The following NUMBL variants were observed in gnomAD, a reference collection of about 807,000 sequenced individuals.
NUMBL encodes the protein numb-like protein.
Under a neutral mutation model 48.9 loss-of-function variants are expected in NUMBL, and 20 were observed. The ratio of observed to expected loss-of-function variants is 0.41; its 90% CI spans 0.29 to 0.59. The LOEUF (loss-of-function observed/expected upper bound fraction) is 0.59, where lower values mean the gene tolerates loss of function less well. NUMBL is among the 20% of genes least tolerant of loss of function. The pLI is 0.31. For missense variants in NUMBL, 660 were observed against 846.2 expected, an observed-to-expected ratio of 0.78 and a Z score of 2.73; for synonymous variants, 340 against 348.7, an observed-to-expected ratio of 0.98 and a Z score of 0.28.
chr19:40,668,202 G>A (rs2081827032), intron 9 of NUMBL, 64 bp from the exon 10 acceptor site: 2 of 1,507,076 alleles, frequency 1.3e-6, no homozygotes, highest in Non-Finnish European at 1.8e-6. Context: ...ACCCCAGGCT[G>A]GGAACTGGCA....
rs111308632 is a variant in NUMBL, at chr19:40,669,856, G to A, written c.1159+42C>T. ...CCTGGATAGAGGAGGGGATACAGGA[G>A]GGACATGCAGGGTGTCTGCCCAGCA... On this transcript the variant is annotated intron_variant, in intron 9 of 9. Transcript: ENST00000252891. The A allele has an allele frequency of 3.8e-4, 602 of 1,600,900 alleles. 4 individuals carry two copies. The African/African-American group carries it at 7.1e-3, about 19-fold the overall frequency.
intron 3 of NUMBL, 45 bp downstream of exon 3, chr19:40,684,372 G>GC (rs1242783335): frequency 6.6e-7 from 1 of 1,526,634 alleles, no homozygotes; most frequent in South Asian, 1.2e-5. Context: ...CAGCACAGCG[G>GC]CCCCCGTCCC....
At chr19:40,690,423 G>A (rs1386538684) in intron 1 of NUMBL, 37 bp downstream of exon 1, 4 of 1,180,672 alleles carry the variant, frequency 3.4e-6, no homozygotes, top group Admixed American at 4.1e-5. Flanking sequence ...CAGCGGCGCC[G>A]CCCCCGACCC....
chr19:40,667,775 A>C lies in NUMBL; in HGVS notation c.1523T>G (p.Val508Gly), dbSNP rs1599899295. 1 of 1,580,164 alleles carries C rather than the reference A, an allele frequency of 6.3e-7. No homozygotes were observed. Among genetic ancestry groups the C allele is most frequent in the Non-Finnish European group, 8.6e-7 (1 of 1,163,506 alleles). Residue 508 changes from valine to glycine, a missense_variant, in exon 10 of 10, where the codon GTG becomes GGG. Physicochemically the swap from Val to Gly is moderately radical, Grantham distance 109. Around this residue, in one of 3 missense-constraint regions of NUMBL, gnomAD observed 296 missense variants for 339.7 expected, o/e 0.87. Coordinates refer to ENST00000252891, the MANE Select transcript of NUMBL (RefSeq NM_004756.5). The surrounding 1 kb of genome is among the most constrained non-coding windows in gnomAD (Gnocchi z 6.1). Reference protein sequence around the residue: ...GYPPMPRVPVVGITPSQMVAN... With the variant: ...GYPPMPRVPVGGITPSQMVAN... The stretch of plus-strand genomic sequence containing the variant: ...CACCATCTGTGAGGGTGTGATGCCC[A>C]CCACGGGCACCCGGGGCATCGGTGG...
chr19:40,684,799 T>A, intron 2 of NUMBL: 1 of 488,192 alleles, frequency 2.0e-6, no homozygotes, highest in Non-Finnish European at 3.6e-6. Flanking sequence ...ACCATGGGGC[T>A]AAGGGGCTGG....
rs564812932 is a variant in NUMBL, at chr19:40,673,733, C to T, written c.731-84G>A. 14 of 1,327,034 alleles carry T rather than the reference C, an allele frequency of 1.1e-5. No individual in the cohort carries two copies. In the Admixed American group the frequency reaches 2.3e-4, roughly 22 times the overall value. 82.2% of individuals were successfully genotyped at this position (1,327,034 alleles called of 1,614,324 possible). On this transcript the variant is annotated intron_variant, in intron 7 of 9. Coordinates refer to ENST00000252891, the MANE Select transcript of NUMBL (RefSeq NM_004756.5). The surrounding 1 kb of genome is among the most constrained non-coding windows in gnomAD (Gnocchi z 5.9). ...CCACCTGGTTCTCTTGATCATTCTC[C>T]AAGGCTGCCTTCCTTGCCCAGTGAG...
intron 8 of NUMBL, among the ~76,000 whole-genome samples, chr19:40,672,863 TA>T (rs1282164780): frequency 1.3e-5 from 2 of 152,294 alleles, no homozygotes; most frequent in Non-Finnish European, 2.9e-5. Flanking sequence ...ATCCTTCACC[TA>T]GCCAGATCTC....
At chr19:40,672,337 T>C (rs1266652421) in intron 8 of NUMBL, among the ~76,000 whole-genome samples, 1 of 152,236 alleles carries the variant, frequency 6.6e-6, no homozygotes, top group African/African-American at 2.4e-5. Flanking sequence ...GGCCAAGTGC[T>C]AGAAGAAACA....
At chr19:40,672,866 C>A (rs926588767) in intron 8 of NUMBL, among the ~76,000 whole-genome samples, 1 of 152,150 alleles carries the variant, frequency 6.6e-6, no homozygotes, top group African/African-American at 2.4e-5. Flanking sequence ...CTTCACCTAG[C>A]CAGATCTCAT....
chr19:40,687,631 G>A lies in NUMBL; in HGVS notation c.25-636C>T, dbSNP rs961882401. Among the ~76,000 whole-genome samples the A allele has an allele frequency of 1.3e-5, 2 of 152,116 alleles. No homozygotes were observed. The highest frequency in any genetic ancestry group is 2.1e-4 in the South Asian group (1 of 4,820). On this transcript the variant is annotated intron_variant, in intron 1 of 9. Transcript: ENST00000252891. The surrounding 1 kb of genome is among the most constrained non-coding windows in gnomAD (Gnocchi z 4.6). The stretch of plus-strand genomic sequence containing the variant: ...GGGGCCCAGACAACCCACTAGAGCC[G>A]CACATGCGTGGCCACACCCAGTGAC...
At position 40,668,154 on chromosome 19, in the gene NUMBL, G is replaced by A. The variant is rs2081826560; in HGVS notation, c.1160-16C>T. Reference sequence around the variant, plus strand: ...GCAGAAGTCCCTGGAGAGAGGAGAGGGACAGGTGAGGGAGGGGGCAACGGC... The same window carrying A: ...GCAGAAGTCCCTGGAGAGAGGAGAGAGACAGGTGAGGGAGGGGGCAACGGC... On this transcript the variant is annotated splice_polypyrimidine_tract_variant and intron_variant, in intron 9 of 9. Transcript: ENST00000252891. 1 of 1,574,000 alleles carries A rather than the reference G, an allele frequency of 6.4e-7. No individual in the cohort carries two copies. The highest frequency in any genetic ancestry group is 8.6e-7 in the Non-Finnish European group (1 of 1,158,148).
At chr19:40,675,477 A>G (rs1290403505) in intron 7 of NUMBL, among the ~76,000 whole-genome samples, 1 of 151,450 alleles carries the variant, frequency 6.6e-6, no homozygotes, top group African/African-American at 2.4e-5. Context: ...GTGTTTTCCC[A>G]AAGAACTTAA....
chr19:40,684,767 A>T, intron 2 of NUMBL: 22 of 482,122 alleles, frequency 4.6e-5, no homozygotes, highest in Middle Eastern at 6.6e-4. Context: ...GGAGTGCGAA[A>T]GTTGGGCACT....
Position 40,682,942 on chromosome 19 carries a change from C to G in NUMBL, c.276G>C (p.Glu92Asp), listed in dbSNP as rs146512935. ...CTTCACACACGTGCATTCCCCGGGA[C>G]TCCTCTACCTCCACGTGACCCAGGT... ...VRYLGHVEVE[E>D]SRGMHVCEDA... Residue 92 changes from glutamate (E) to aspartate (D), a missense_variant, in exon 4 of 10, where the codon GAG (glutamate) becomes GAC (aspartate). By Grantham distance (45) the Glu-to-Asp change is conservative. Coordinates refer to ENST00000252891, the MANE Select transcript of NUMBL (RefSeq NM_004756.5). This position sits in a 1 kb window ranked among gnomAD's most constrained non-coding sequence, Gnocchi z 4.0. 1.7e-3 allele frequency: 2,692 copies of G among 1,613,912 alleles called. 7 individuals carry two copies. Among genetic ancestry groups the G allele is most frequent in the Admixed American group, 2.0e-3 (121 of 59,992 alleles).
chr19:40,678,205 T>C (rs905363577), intron 6 of NUMBL, among the ~76,000 whole-genome samples: 10 of 152,088 alleles, frequency 6.6e-5, no homozygotes, highest in Admixed American at 5.2e-4. Context: ...ACTCTGATGC[T>C]ATGCTGGAGT....
intron 8 of NUMBL, among the ~76,000 whole-genome samples, chr19:40,672,421 G>A (rs949955908): frequency 2.0e-5 from 3 of 152,178 alleles, no homozygotes; most frequent in African/African-American, 7.2e-5. Context: ...ACCAGCCATG[G>A]CAGACAATGC....
At position 40,683,769 on chromosome 19, in the gene NUMBL, T is replaced by C. The variant is rs570865937; in HGVS notation, c.249+648A>G. ...GTAATAGTTTGCTGGTACAAAAAAA[T>C]GTGTTCTGGTTTTTTGTTTGTTTTC... On this transcript the variant is annotated intron_variant, in intron 3 of 9. Coordinates refer to ENST00000252891, the MANE Select transcript of NUMBL (RefSeq NM_004756.5). Among the ~76,000 whole-genome samples the C allele has an allele frequency of 4.7e-5, 7 of 150,286 alleles. No individual in the cohort carries two copies. In the East Asian group the frequency reaches 1.4e-3, roughly 30 times the overall value.
chr19:40,688,393 T>TCCAGTGTATG lies in NUMBL; in HGVS notation c.25-1399_25-1398insCATACACTGG, dbSNP rs995206566. Among the ~76,000 whole-genome samples the TCCAGTGTATG allele has an allele frequency of 2.6e-5, 4 of 152,196 alleles. No individual in the cohort carries two copies. The highest frequency in any genetic ancestry group is 4.4e-5 in the Non-Finnish European group (3 of 68,044). On this transcript the variant is annotated intron_variant, in intron 1 of 9. Coordinates refer to ENST00000252891, the MANE Select transcript of NUMBL (RefSeq NM_004756.5). The surrounding 1 kb of genome is among the most constrained non-coding windows in gnomAD (Gnocchi z 4.6). ...AAGCACACAGTTTTAGTTTCCCATG[T>TCCAGTGTATG]CACAAGTACACAGTCCAGTGTATGC...
chr19:40,667,335 G>T lies in NUMBL; in HGVS notation c.*133C>A. ...TGTTGGTTCTGTAGTGGTTGTCGGG[G>T]TGGTTGAGGGAGGGGGGTGTTGAGA... On this transcript the variant is annotated 3_prime_UTR_variant, in exon 10 of 10. Transcript: ENST00000252891. The surrounding 1 kb of genome is among the most constrained non-coding windows in gnomAD (Gnocchi z 6.1). The T allele has an allele frequency of 7.8e-7, 1 of 1,276,556 alleles. No homozygotes were observed. Among genetic ancestry groups the T allele is most frequent in the Non-Finnish European group, 1.1e-6 (1 of 944,856 alleles). 79.1% of individuals were successfully genotyped at this position (1,276,556 alleles called of 1,614,324 possible). A position where few individuals can be genotyped will look rare whatever the true frequency, so the allele number is the denominator to read the frequency against.
Sources: gnomAD v4.1 joint callset for allele counts (sites outside exome capture counted in the v4.1 genomes callset) on GRCh38, gnomAD v4.1.1 for gene constraint, gnomAD v4.1.1 regional missense constraint, Gnocchi (gnomAD v3.1) non-coding constraint, MANE v1.5 for transcripts, NCBI Gene and HGNC (gene_info 2026-07-23, HGNC 2026-07-21) for gene names.